The following NKAIN3 variants were observed in gnomAD, a reference collection of about 807,000 sequenced individuals.
NKAIN3 encodes the protein sodium/potassium-transporting ATPase subunit beta-1-interacting protein 3.
In NKAIN3, 25 loss-of-function variants were observed where a neutral mutation model predicts 30.2. That is an observed-to-expected ratio of 0.83 (90% CI 0.60 to 1.16). The LOEUF (loss-of-function observed/expected upper bound fraction) is 1.16. Ranked by LOEUF, NKAIN3 falls within the 50% of genes most tolerant of loss-of-function variation. NKAIN3 has a pLI of 0.00. For synonymous variants in NKAIN3, 91 were observed against 89.6 expected, an observed-to-expected ratio of 1.02 and a Z score of -0.09; for missense variants, 225 against 254.1, an observed-to-expected ratio of 0.89 and a Z score of 0.78.
At chr8:62,732,579 T>G (rs1358506026) in intron 3 of NKAIN3, among the ~76,000 whole-genome samples, 4 of 152,080 alleles carry the variant, frequency 2.6e-5, no homozygotes, top group African/African-American at 9.7e-5. Flanking sequence ...ACTTGTTAGT[T>G]ATTTTGTTCT....
rs188462055 is a variant in NKAIN3, at chr8:62,569,097, T to C, written c.55-10442T>C. On this transcript the variant is annotated intron_variant, in intron 1 of 6. Coordinates refer to ENST00000623646, the MANE Select transcript of NKAIN3 (RefSeq NM_001304533.3). ...AACTGCATCACAAGCATTACAAATA[T>C]AGAATTCCTGGATCCATCTCAAAGT... Among the ~76,000 whole-genome samples, 8 of 152,298 alleles carry C rather than the reference T, an allele frequency of 5.3e-5. No homozygotes were observed. The East Asian group carries it at 1.4e-3, about 26-fold the overall frequency.
intron 1 of NKAIN3, among the ~76,000 whole-genome samples, chr8:62,453,866 GA>G (rs1805725761): frequency 6.6e-6 from 1 of 151,952 alleles, no homozygotes; most frequent in Admixed American, 6.6e-5. Flanking sequence ...AACAAGTTCT[GA>G]AATGGAATAA....
chr8:62,843,301 T>G (rs1428996395), intron 4 of NKAIN3, among the ~76,000 whole-genome samples: 1 of 151,430 alleles, frequency 6.6e-6, no homozygotes, highest in Non-Finnish European at 1.5e-5. Context: ...CTTTTTTCTT[T>G]TTTTAATTAA....
chr8:62,502,771 A>G (rs1390072416), intron 1 of NKAIN3, among the ~76,000 whole-genome samples: 1 of 152,284 alleles, frequency 6.6e-6, no homozygotes, highest in Middle Eastern at 3.4e-3. Flanking sequence ...ATGGGCACAG[A>G]TGTTCCTCTG....
Position 62,976,396 on chromosome 8 carries a change from A to G in NKAIN3, c.*10989A>G, listed in dbSNP as rs778707299. 6.6e-6 allele frequency among the ~76,000 whole-genome samples: 1 copy of G among 152,100 alleles called. No homozygotes were observed. Among genetic ancestry groups the G allele is most frequent in the Non-Finnish European group, 1.5e-5 (1 of 68,022 alleles). On this transcript the variant is annotated 3_prime_UTR_variant, in exon 7 of 7. Coordinates refer to ENST00000623646, the MANE Select transcript of NKAIN3 (RefSeq NM_001304533.3). ...TATTAGGTGCATACATATTTAGGAT[A>G]GTTAGCTCTTCCTGTTGCATTGATC...
intron 1 of NKAIN3, among the ~76,000 whole-genome samples, chr8:62,552,004 T>G (rs112414988): frequency 1.3e-5 from 2 of 152,212 alleles, no homozygotes; most frequent in Non-Finnish European, 2.9e-5. Flanking sequence ...CTTTCCATTA[T>G]GTTCTTTATG....
At chr8:62,601,954 A>T (rs1810995551) in intron 3 of NKAIN3, among the ~76,000 whole-genome samples, 1 of 152,068 alleles carries the variant, frequency 6.6e-6, no homozygotes, top group African/African-American at 2.4e-5. Context: ...TTCCTCCTGT[A>T]GCTTTTCTAC....
At chr8:62,278,836 C>T (rs866687825) in intron 1 of NKAIN3, among the ~76,000 whole-genome samples, 1 of 152,186 alleles carries the variant, frequency 6.6e-6, no homozygotes, top group African/African-American at 2.4e-5. Context: ...CTGCAATAAA[C>T]ACACGTATGC....
At chr8:62,389,939 C>T (rs975635297) in intron 1 of NKAIN3, among the ~76,000 whole-genome samples, 15 of 152,130 alleles carry the variant, frequency 9.9e-5, no homozygotes, top group Non-Finnish European at 1.6e-4. Flanking sequence ...GAACAGAGAG[C>T]GTACTTTGCC....
At chr8:62,317,992 C>G (rs967439400) in intron 1 of NKAIN3, among the ~76,000 whole-genome samples, 1 of 152,152 alleles carries the variant, frequency 6.6e-6, no homozygotes, top group African/African-American at 2.4e-5. Context: ...AGGTCCTTCA[C>G]GTCTCTTGTA....
intron 1 of NKAIN3, among the ~76,000 whole-genome samples, chr8:62,360,652 C>T (rs764727968): frequency 6.6e-6 from 1 of 152,022 alleles, no homozygotes; most frequent in Non-Finnish European, 1.5e-5. Flanking sequence ...GATTCAGAGT[C>T]GAGTTCAGGT....
chr8:62,895,320 C>T (rs942537489), intron 4 of NKAIN3, among the ~76,000 whole-genome samples: 2 of 152,204 alleles, frequency 1.3e-5, no homozygotes, highest in South Asian at 4.1e-4. Context: ...GCTCTGCCCT[C>T]CTTCAGCTGC....
chr8:62,753,078 G>C (rs533987465), intron 4 of NKAIN3, among the ~76,000 whole-genome samples: 1 of 151,970 alleles, frequency 6.6e-6, no homozygotes, highest in Non-Finnish European at 1.5e-5. Flanking sequence ...TGCTTCCAGT[G>C]GGGGGATTTC....
At chr8:62,916,817 G>A (rs957612881) in intron 4 of NKAIN3, among the ~76,000 whole-genome samples, 3 of 152,132 alleles carry the variant, frequency 2.0e-5, no homozygotes, top group Admixed American at 6.5e-5. Flanking sequence ...AGAAAAGGAG[G>A]AAACAAGGTG....
intron 4 of NKAIN3, among the ~76,000 whole-genome samples, chr8:62,778,668 C>A (rs1352557622): frequency 1.3e-5 from 2 of 152,090 alleles, no homozygotes; most frequent in Non-Finnish European, 2.9e-5. Flanking sequence ...AGACTGGAAT[C>A]AAAGACCCCA....
At chr8:62,480,940 C>T (rs1458214852) in intron 1 of NKAIN3, among the ~76,000 whole-genome samples, 3 of 152,158 alleles carry the variant, frequency 2.0e-5, no homozygotes, top group African/African-American at 4.8e-5. Flanking sequence ...GCACCCTGAC[C>T]GGGAAGTAAC....
chr8:62,789,627 G>A (rs958470968), intron 4 of NKAIN3, among the ~76,000 whole-genome samples: 2 of 151,946 alleles, frequency 1.3e-5, no homozygotes, highest in Non-Finnish European at 2.9e-5. Context: ...TGACAAAGGG[G>A]ATATCACCAC....
intron 1 of NKAIN3, among the ~76,000 whole-genome samples, chr8:62,474,489 C>A (rs1806451560): frequency 6.6e-6 from 1 of 152,102 alleles, no homozygotes; most frequent in Admixed American, 6.5e-5. Context: ...AGAATGGGAG[C>A]TGGATTGGCA....
chr8:62,258,515 G>A (rs2129388699), intron 1 of NKAIN3, among the ~76,000 whole-genome samples: 1 of 152,066 alleles, frequency 6.6e-6, no homozygotes, highest in Non-Finnish European at 1.5e-5. Flanking sequence ...AATATAGATG[G>A]TTGTGGTGGT....
Sources: allele counts gnomAD v4.1 joint callset (sites outside exome capture counted in the v4.1 genomes callset), GRCh38; gene constraint gnomAD v4.1.1; transcripts MANE v1.5; gene names NCBI Gene and HGNC (gene_info 2026-07-23, HGNC 2026-07-21).